The following NRXN3 variants were observed in gnomAD, a reference collection of about 807,000 sequenced individuals.
NRXN3 encodes neurexin 3, also known as neurexin III.
Under a neutral mutation model 137.6 loss-of-function variants are expected in NRXN3, and 32 were observed. The ratio of observed to expected loss-of-function variants is 0.23; its 90% CI spans 0.18 to 0.31. The LOEUF is 0.31. NRXN3 is among the 10% of genes least tolerant of loss of function. NRXN3 has a pLI of 1.00. For missense variants in NRXN3, 1,574 were observed against 2,062.5 expected, an observed-to-expected ratio of 0.76 and a Z score of 4.59; for synonymous variants, 798 against 784.5, an observed-to-expected ratio of 1.02 and a Z score of -0.29.
chr14:79,765,504 T>A (rs1201531153), intron 19 of NRXN3, among the ~76,000 whole-genome samples: 1 of 152,216 alleles, frequency 6.6e-6, no homozygotes, highest in Non-Finnish European at 1.5e-5. Flanking sequence ...TGTGGTAATA[T>A]CTCATTTGTG....
intron 19 of NRXN3, among the ~76,000 whole-genome samples, chr14:79,763,775 A>G (rs1330195811): frequency 6.6e-6 from 1 of 151,466 alleles, no homozygotes; most frequent in African/African-American, 2.5e-5. Flanking sequence ...GGTCTCTGCC[A>G]TCATGACCTA....
chr14:78,211,318 G>C (rs2062720786), intron 1 of NRXN3, among the ~76,000 whole-genome samples: 1 of 152,192 alleles, frequency 6.6e-6, no homozygotes, highest in African/African-American at 2.4e-5. Flanking sequence ...ACAGAAGGGG[G>C]ATGAAGGGAA....
chr14:79,780,217 C>G (rs924623901), intron 19 of NRXN3, among the ~76,000 whole-genome samples: 9 of 151,756 alleles, frequency 5.9e-5, no homozygotes, highest in African/African-American at 2.2e-4. Context: ...TTTGTTGTGT[C>G]CTTGCTATTC....
intron 1 of NRXN3, among the ~76,000 whole-genome samples, chr14:78,205,530 T>A (rs190014930): frequency 2.9e-4 from 44 of 152,248 alleles, no homozygotes; most frequent in Non-Finnish European, 3.5e-4. Context: ...CTGGAGGAAT[T>A]GAGGTGAAAG....
chr14:78,578,303 G>A (rs999377679), intron 4 of NRXN3, among the ~76,000 whole-genome samples: 4 of 152,108 alleles, frequency 2.6e-5, no homozygotes, highest in African/African-American at 9.7e-5. Flanking sequence ...AGTTTTTAGG[G>A]AGATCTAAAT....
At chr14:79,115,563 A>G (rs926638247) in intron 15 of NRXN3, among the ~76,000 whole-genome samples, 2 of 152,216 alleles carry the variant, frequency 1.3e-5, no homozygotes, top group African/African-American at 4.8e-5. Context: ...AAGAAAATTG[A>G]AAGAGAAACT....
chr14:78,774,181 C>T (rs1464778454), intron 8 of NRXN3, among the ~76,000 whole-genome samples: 2 of 152,118 alleles, frequency 1.3e-5, no homozygotes, highest in Non-Finnish European at 2.9e-5. Flanking sequence ...ATTAGCTGTG[C>T]CAGACACTAT....
chr14:78,710,232 T>G (rs2098394729), intron 7 of NRXN3, among the ~76,000 whole-genome samples: 1 of 152,340 alleles, frequency 6.6e-6, no homozygotes, highest in African/African-American at 2.4e-5. Flanking sequence ...TATATTTCAC[T>G]CTTTGTTCAG....
intron 20 of NRXN3, among the ~76,000 whole-genome samples, chr14:79,822,973 C>A (rs2099277342): frequency 6.6e-6 from 1 of 152,186 alleles, no homozygotes; most frequent in Non-Finnish European, 1.5e-5. Flanking sequence ...TCTGTGCTAA[C>A]TCTAGATTTT....
chr14:79,829,927 G>A (rs949925309), intron 20 of NRXN3, among the ~76,000 whole-genome samples: 5 of 152,184 alleles, frequency 3.3e-5, no homozygotes, highest in African/African-American at 1.2e-4. Context: ...ATGCTCTACA[G>A]CTTCAAATTC....
intron 19 of NRXN3, among the ~76,000 whole-genome samples, chr14:79,788,331 G>C (rs184777336): frequency 6.6e-6 from 1 of 152,056 alleles, no homozygotes; most frequent in African/African-American, 2.4e-5. Context: ...CATATCACCC[G>C]TCTTACCCAA....
intron 4 of NRXN3, among the ~76,000 whole-genome samples, chr14:78,566,654 T>A (rs2096839286): frequency 6.6e-6 from 1 of 152,176 alleles, no homozygotes; most frequent in South Asian, 2.1e-4. Flanking sequence ...CCACCTTCCT[T>A]CCTTCCTCCT....
At chr14:79,171,819 G>GTT (rs35490860) in intron 15 of NRXN3, among the ~76,000 whole-genome samples, 2 of 147,448 alleles carry the variant, frequency 1.4e-5, no homozygotes, top group African/African-American at 5.0e-5. Flanking sequence ...TATTTTATTT[G>GTT]TTTTTTTTTT....
chr14:78,847,217 C>A (rs10147293), intron 10 of NRXN3, among the ~76,000 whole-genome samples: 6,698 of 152,134 alleles, frequency 0.044, 313 homozygotes, highest in Admixed American at 0.16. Context: ...AACACATTTA[C>A]GGTTAATGAC....
intron 15 of NRXN3, among the ~76,000 whole-genome samples, chr14:79,286,996 A>G (rs2082377852): frequency 6.6e-6 from 1 of 152,188 alleles, no homozygotes; most frequent in African/African-American, 2.4e-5. Flanking sequence ...TAAATATTTT[A>G]TGAGACATAT....
At chr14:78,359,951 C>T (rs958135174) in intron 4 of NRXN3, among the ~76,000 whole-genome samples, 12 of 152,154 alleles carry the variant, frequency 7.9e-5, no homozygotes, top group African/African-American at 2.9e-4. Flanking sequence ...TAATCTCTCC[C>T]TTTCTTCTGG....
intron 15 of NRXN3, among the ~76,000 whole-genome samples, chr14:79,419,134 G>A (rs2095539636): frequency 6.6e-6 from 1 of 152,138 alleles, no homozygotes; most frequent in African/African-American, 2.4e-5. Context: ...TGAAGTATGA[G>A]TAAAGTACCA....
At chr14:78,582,968 C>T (rs1394250890) in intron 4 of NRXN3, among the ~76,000 whole-genome samples, 2 of 152,116 alleles carry the variant, frequency 1.3e-5, no homozygotes, top group Non-Finnish European at 2.9e-5. Flanking sequence ...GTGTGTTTCA[C>T]CCCTTTTTGC....
intron 8 of NRXN3, among the ~76,000 whole-genome samples, chr14:78,771,648 G>T (rs1254326867): frequency 6.6e-6 from 1 of 152,196 alleles, no homozygotes; most frequent in Non-Finnish European, 1.5e-5. Flanking sequence ...CCTGCAGACA[G>T]GGAATAAGAA....
Sources: allele counts gnomAD v4.1 joint callset (sites outside exome capture counted in the v4.1 genomes callset), GRCh38; gene constraint gnomAD v4.1.1; transcripts MANE v1.5; gene names NCBI Gene and HGNC (gene_info 2026-07-23, HGNC 2026-07-21).